Variants in WWOX observed in about 807,000 individuals in gnomAD.
WWOX encodes the protein WW domain containing oxidoreductase.
In WWOX, 69 loss-of-function variants were observed where a neutral mutation model predicts 46.2. The ratio of observed to expected loss-of-function variants is 1.49; its 90% CI spans 1.23 to 1.82. The LOEUF (loss-of-function observed/expected upper bound fraction) is 1.82. Ranked by LOEUF, WWOX falls within the 40% of genes most tolerant of loss-of-function variation. The probability of loss-of-function intolerance (pLI) is 0.00; values close to 1 mark genes in which losing one functional copy is unlikely to be tolerated. For missense variants in WWOX, 919 were observed against 542.6 expected (o/e 1.69, Z -6.89); for synonymous variants, 359 against 202.6 (o/e 1.77, Z -6.56).
intron 8 of WWOX, among the ~76,000 whole-genome samples, chr16:79,084,137 C>G (rs553237023): frequency 1.3e-5 from 2 of 152,080 alleles, no homozygotes; most frequent in Admixed American, 1.3e-4. Context: ...TTGAGGAGAC[C>G]AAAGGAGGGT....
chr16:78,240,713 T>C (rs928249288), intron 5 of WWOX, among the ~76,000 whole-genome samples: 7 of 152,196 alleles, frequency 4.6e-5, no homozygotes, highest in South Asian at 2.1e-4. Context: ...TCTCGTGTTA[T>C]GCATTTGCTT....
chr16:78,391,834 C>CA (rs1213222651), intron 6 of WWOX, among the ~76,000 whole-genome samples: 1 of 152,124 alleles, frequency 6.6e-6, no homozygotes, highest in African/African-American at 2.4e-5. Flanking sequence ...GACTCTGTCT[C>CA]AAACAAATTA....
intron 5 of WWOX, among the ~76,000 whole-genome samples, chr16:78,337,161 T>A (rs1429978021): frequency 1.3e-5 from 2 of 152,180 alleles, no homozygotes; most frequent in Non-Finnish European, 2.9e-5. Flanking sequence ...ATGTTTGTGG[T>A]AGGTAGCCAG....
intron 8 of WWOX, among the ~76,000 whole-genome samples, chr16:79,002,769 G>T (rs928857751): frequency 6.6e-6 from 1 of 152,040 alleles, no homozygotes; most frequent in South Asian, 2.1e-4. Flanking sequence ...GTCTATAAGG[G>T]GAAAAGACAG....
At chr16:78,761,377 T>A (rs2049789680) in intron 8 of WWOX, among the ~76,000 whole-genome samples, 1 of 152,192 alleles carries the variant, frequency 6.6e-6, no homozygotes, top group Non-Finnish European at 1.5e-5. Flanking sequence ...GGGAGAACTC[T>A]TTAGCATTTA....
At chr16:79,170,147 A>G (rs950436360) in intron 8 of WWOX, among the ~76,000 whole-genome samples, 5 of 152,228 alleles carry the variant, frequency 3.3e-5, no homozygotes, top group African/African-American at 7.2e-5. Flanking sequence ...ATGTCCTTCA[A>G]TAACCCAGTC....
At chr16:78,944,507 A>G (rs1014107881) in intron 8 of WWOX, among the ~76,000 whole-genome samples, 1 of 152,178 alleles carries the variant, frequency 6.6e-6, no homozygotes, top group Non-Finnish European at 1.5e-5. Flanking sequence ...ATACAACAAC[A>G]TTTATATTTG....
chr16:78,249,811 A>T (rs984940302), intron 5 of WWOX, among the ~76,000 whole-genome samples: 2 of 131,678 alleles, frequency 1.5e-5, no homozygotes, highest in South Asian at 2.7e-4. Flanking sequence ...TTCCACAAAC[A>T]TTTAATACAG....
intron 8 of WWOX, among the ~76,000 whole-genome samples, chr16:78,584,434 T>C (rs1384548073): frequency 6.6e-6 from 1 of 152,174 alleles, no homozygotes; most frequent in Admixed American, 6.5e-5. Flanking sequence ...AGCTTACATT[T>C]TGTCATGAGT....
intron 5 of WWOX, among the ~76,000 whole-genome samples, chr16:78,370,216 C>G (rs2081640144): frequency 6.7e-6 from 1 of 148,892 alleles, no homozygotes; most frequent in Non-Finnish European, 1.5e-5. Context: ...AGATTGTAAA[C>G]TCTCTTTACA....
At chr16:78,985,630 A>G (rs985261712) in intron 8 of WWOX, among the ~76,000 whole-genome samples, 1 of 152,190 alleles carries the variant, frequency 6.6e-6, no homozygotes, top group Non-Finnish European at 1.5e-5. Context: ...TTAGCTGTGC[A>G]TAGTGGTGCA....
chr16:78,632,181 C>T (rs2046448310), intron 8 of WWOX, among the ~76,000 whole-genome samples: 1 of 152,154 alleles, frequency 6.6e-6, no homozygotes. Context: ...TATTAAGTGA[C>T]AAGTTGCAGA....
At chr16:79,034,832 C>A (rs962112761) in intron 8 of WWOX, among the ~76,000 whole-genome samples, 1 of 151,898 alleles carries the variant, frequency 6.6e-6, no homozygotes, top group Non-Finnish European at 1.5e-5. Context: ...TCCAGTCTCC[C>A]GAGTAGTGTA....
In WWOX at chr16:79,083,579, G is replaced by A. The variant is rs2048801021; in HGVS notation, c.1057-128029G>A. Among the ~76,000 whole-genome samples the A allele has an allele frequency of 2.0e-5, 3 of 152,156 alleles. No homozygotes were observed. The South Asian group carries it at 6.2e-4, about 32-fold the overall frequency. ...GTTTTATTCATCTGCTTATGCACGCGTATGGCTGCAACATCCTTCCAAAAT... is the reference window on the plus strand; with the variant it reads ...GTTTTATTCATCTGCTTATGCACGCATATGGCTGCAACATCCTTCCAAAAT... On this transcript the variant is annotated intron_variant, in intron 8 of 8. Coordinates refer to ENST00000566780, the MANE Select transcript of WWOX (RefSeq NM_016373.4).
At chr16:78,724,726 A>G (rs1422143265) in intron 8 of WWOX, among the ~76,000 whole-genome samples, 1 of 152,156 alleles carries the variant, frequency 6.6e-6, no homozygotes, top group Non-Finnish European at 1.5e-5. Context: ...TAAGCTCTGA[A>G]TAAATATTAA....
intron 5 of WWOX, among the ~76,000 whole-genome samples, chr16:78,319,997 A>G (rs2080433205): frequency 6.6e-6 from 1 of 152,304 alleles, no homozygotes; most frequent in East Asian, 1.9e-4. Flanking sequence ...CTCTCATTAT[A>G]TCTTTTAACT....
At chr16:78,137,988 C>T (rs1278369542) in intron 4 of WWOX, among the ~76,000 whole-genome samples, 1 of 150,654 alleles carries the variant, frequency 6.6e-6, no homozygotes. Flanking sequence ...AACCATTGTT[C>T]AAAGGAAACA....
At chr16:78,675,398 C>G (rs1371782686) in intron 8 of WWOX, among the ~76,000 whole-genome samples, 2 of 152,190 alleles carry the variant, frequency 1.3e-5, no homozygotes, top group African/African-American at 4.8e-5. Flanking sequence ...AAACTCATCT[C>G]TGCAGACTAA....
intron 8 of WWOX, among the ~76,000 whole-genome samples, chr16:78,982,129 C>T (rs919815375): frequency 1.3e-5 from 2 of 151,026 alleles, no homozygotes; most frequent in Non-Finnish European, 3.0e-5. Flanking sequence ...ATTCCTTCTC[C>T]TTCATTGCTC....
Sources: gnomAD v4.1 joint callset for allele counts (sites outside exome capture counted in the v4.1 genomes callset) on GRCh38, gnomAD v4.1.1 for gene constraint, MANE v1.5 for transcripts, NCBI Gene and HGNC (gene_info 2026-07-23, HGNC 2026-07-21) for gene names.